CDYL2: variants seen among roughly 807,000 people sequenced by gnomAD.
The protein encoded by CDYL2 is chromodomain Y-like protein 2.
Under a neutral mutation model 49.4 loss-of-function variants are expected in CDYL2, and 23 were observed. That is an observed-to-expected ratio of 0.47 (90% CI 0.34 to 0.66). The LOEUF (loss-of-function observed/expected upper bound fraction) is 0.66. CDYL2 is among the 30% of genes least tolerant of loss of function. The pLI is 0.01. For synonymous variants in CDYL2, 360 were observed against 268.8 expected (o/e 1.34, Z -3.32); for missense variants, 678 against 656.4 (o/e 1.03, Z -0.36).
intron 1 of CDYL2, among the ~76,000 whole-genome samples, chr16:80,712,790 A>G (rs1486135462): frequency 6.6e-6 from 1 of 152,226 alleles, no homozygotes; most frequent in Non-Finnish European, 1.5e-5. Flanking sequence ...GCCATCAGAC[A>G]TAAGATATCT....
At chr16:80,730,749 T>C (rs542040111) in intron 1 of CDYL2, among the ~76,000 whole-genome samples, 1 of 152,322 alleles carries the variant, frequency 6.6e-6, no homozygotes, top group South Asian at 2.1e-4. Flanking sequence ...GGGGTGTATC[T>C]AAGCAATGAG....
At chr16:80,715,965 C>T (rs1370903131) in intron 1 of CDYL2, among the ~76,000 whole-genome samples, 1 of 152,240 alleles carries the variant, frequency 6.6e-6, no homozygotes, top group South Asian at 2.1e-4. Context: ...AAACCCAGCT[C>T]TGTCGCCGAC....
intron 1 of CDYL2, among the ~76,000 whole-genome samples, chr16:80,747,453 C>T (rs1482905791): frequency 6.6e-6 from 1 of 152,160 alleles, no homozygotes; most frequent in Non-Finnish European, 1.5e-5. Context: ...AGACACAAGG[C>T]CGGGACCTAT....
chr16:80,649,711 A>G (rs1284985497), intron 2 of CDYL2, among the ~76,000 whole-genome samples: 1 of 152,196 alleles, frequency 6.6e-6, no homozygotes, highest in Non-Finnish European at 1.5e-5. Context: ...CCTGACTTCA[A>G]ATTACACTAA....
chr16:80,653,642 C>A (rs377694657), intron 2 of CDYL2, among the ~76,000 whole-genome samples: 1 of 152,106 alleles, frequency 6.6e-6, no homozygotes, highest in South Asian at 2.1e-4. Flanking sequence ...GAGATAAGCA[C>A]ATCATGGAGA....
In CDYL2 at chr16:80,667,778, C is replaced by A. The variant is rs370942039; in HGVS notation, c.616+16760G>T. On this transcript the variant is annotated intron_variant, in intron 2 of 6. Transcript: ENST00000570137. ...TTATCAAATGTCTACCACAAGCCAG[C>A]GAATATGTTAAGGGCTTCCTATAAA... 2.2e-4 allele frequency among the ~76,000 whole-genome samples: 33 copies of A among 152,276 alleles called. No homozygotes were observed. In the East Asian group the frequency reaches 3.3e-3, roughly 15 times the overall value.
At chr16:80,731,394 C>A (rs910237167) in intron 1 of CDYL2, among the ~76,000 whole-genome samples, 2 of 151,816 alleles carry the variant, frequency 1.3e-5, no homozygotes, top group Admixed American at 6.6e-5. Context: ...AACAAAAGTT[C>A]AAAAAAGTGA....
intron 1 of CDYL2, among the ~76,000 whole-genome samples, chr16:80,750,878 G>A (rs942400751): frequency 5.3e-5 from 8 of 152,126 alleles, no homozygotes; most frequent in Non-Finnish European, 1.2e-4. Flanking sequence ...AAACTAGCCA[G>A]GCGTGGTGGC....
chr16:80,626,120 A>G (rs929023069), intron 3 of CDYL2, among the ~76,000 whole-genome samples: 1 of 147,872 alleles, frequency 6.8e-6, no homozygotes, highest in Non-Finnish European at 1.5e-5. Context: ...TGAAACCCCA[A>G]CTCTCCTAAA....
At chr16:80,800,250 C>T (rs1907885502) in intron 1 of CDYL2, among the ~76,000 whole-genome samples, 1 of 152,174 alleles carries the variant, frequency 6.6e-6, no homozygotes, top group Non-Finnish European at 1.5e-5. Context: ...GAAAACATTT[C>T]TCCTTATACA....
chr16:80,664,392 G>A (rs533316454), intron 2 of CDYL2, among the ~76,000 whole-genome samples: 7 of 152,218 alleles, frequency 4.6e-5, no homozygotes, highest in South Asian at 2.1e-4. Flanking sequence ...CCCAAGCGCC[G>A]GGAACAGCCC....
chr16:80,745,287 T>C (rs1490228377), intron 1 of CDYL2, among the ~76,000 whole-genome samples: 1 of 152,160 alleles, frequency 6.6e-6, no homozygotes, highest in African/African-American at 2.4e-5. Context: ...ACCTCTTCTG[T>C]GTCACCTGAG....
In CDYL2 at chr16:80,715,298, A is replaced by T. The variant is rs16953875; in HGVS notation, c.25-30169T>A. On this transcript the variant is annotated intron_variant, in intron 1 of 6. Coordinates refer to ENST00000570137, the MANE Select transcript of CDYL2 (RefSeq NM_152342.4). ...CTGAGGATACAGGAATCCTTGTGGG[A>T]CCCGGAGTCATGATCCCACCATAGT... Among the ~76,000 whole-genome samples, 26 of 152,158 alleles carry T rather than the reference A, an allele frequency of 1.7e-4. No homozygotes were observed. In the East Asian group the frequency reaches 4.7e-3, roughly 27 times the overall value.
intron 2 of CDYL2, among the ~76,000 whole-genome samples, chr16:80,673,270 AGATCAT>A (rs990601670): frequency 1.3e-4 from 20 of 152,282 alleles, no homozygotes; most frequent in African/African-American, 4.6e-4. Flanking sequence ...CAGTGAGCCA[AGATCAT>A]GCCATTGCAC....
chr16:80,755,810 C>T (rs1315621298), intron 1 of CDYL2, among the ~76,000 whole-genome samples: 1 of 152,140 alleles, frequency 6.6e-6, no homozygotes, highest in African/African-American at 2.4e-5. Flanking sequence ...ATCAAACGTA[C>T]AACACCCATA....
chr16:80,784,236 C>G (rs117514105), intron 1 of CDYL2, among the ~76,000 whole-genome samples: 1,557 of 152,136 alleles, frequency 0.01, 11 homozygotes, highest in South Asian at 0.025. Flanking sequence ...CTCTTTCTAA[C>G]TTCTTGAAAT....
At chr16:80,633,706 G>T (rs1399072556) in intron 2 of CDYL2, among the ~76,000 whole-genome samples, 2 of 150,138 alleles carry the variant, frequency 1.3e-5, no homozygotes, top group East Asian at 4.0e-4. Flanking sequence ...ACCAGAGATG[G>T]GGCTCTGGGA....
chr16:80,630,257 C>A (rs1428782920), intron 3 of CDYL2, among the ~76,000 whole-genome samples: 2 of 152,206 alleles, frequency 1.3e-5, no homozygotes, highest in East Asian at 3.8e-4. Flanking sequence ...AGGGCAGGAA[C>A]CCCAATTAAC....
intron 1 of CDYL2, among the ~76,000 whole-genome samples, chr16:80,688,958 C>G (rs2142483046): frequency 6.6e-6 from 1 of 152,290 alleles, no homozygotes; most frequent in South Asian, 2.1e-4. Context: ...CCTGGCAGCT[C>G]TGTCTCTTGA....
Sources: allele counts gnomAD v4.1 joint callset (sites outside exome capture counted in the v4.1 genomes callset), GRCh38; gene constraint gnomAD v4.1.1; transcripts MANE v1.5; gene names NCBI Gene and HGNC (gene_info 2026-07-23, HGNC 2026-07-21).